PLXNA4: variants seen among roughly 807,000 people sequenced by gnomAD.
PLXNA4 encodes the protein plexin-A4.
Under a neutral mutation model 191.8 loss-of-function variants are expected in PLXNA4, and 44 were observed. The observed-to-expected ratio is 0.23, with a 90% confidence interval of 0.18 to 0.29. PLXNA4 has a LOEUF of 0.29. Among genes scored for constraint, PLXNA4 ranks in the 10% least tolerant of loss-of-function variants. The pLI is 1.00. For missense variants in PLXNA4, 1,800 were observed against 2,488.8 expected, an observed-to-expected ratio of 0.72 and a Z score of 5.89; for synonymous variants, 1,082 against 1,009.5, an observed-to-expected ratio of 1.07 and a Z score of -1.36.
At chr7:132,133,944 G>A (rs1267723918) in intron 30 of PLXNA4, among the ~76,000 whole-genome samples, 1 of 152,142 alleles carries the variant, frequency 6.6e-6, no homozygotes, top group Non-Finnish European at 1.5e-5. Flanking sequence ...TAACTGCAAT[G>A]ACAGGAGGGC....
chr7:132,533,383 C>T (rs1478474950), intron 1 of PLXNA4, among the ~76,000 whole-genome samples: 1 of 152,050 alleles, frequency 6.6e-6, no homozygotes, highest in Non-Finnish European at 1.5e-5. Flanking sequence ...AGGTGCAAGG[C>T]CCCCAACATG....
intron 11 of PLXNA4, 50 bp from the exon 12 acceptor site, chr7:132,202,886 G>T: frequency 6.9e-7 from 1 of 1,457,198 alleles, no homozygotes; most frequent in South Asian, 1.4e-5. Flanking sequence ...TGGCAGTGGG[G>T]ACAGAAGGGG....
intron 2 of PLXNA4, among the ~76,000 whole-genome samples, chr7:132,595,803 T>C (rs1331904500): frequency 6.6e-6 from 1 of 152,202 alleles, no homozygotes; most frequent in Non-Finnish European, 1.5e-5. Flanking sequence ...GAACACTAGG[T>C]GCCCTCCACC....
In PLXNA4 at chr7:132,202,646, C is replaced by G; in HGVS notation, c.2586G>C (p.Glu862Asp). ...AGCAGGAGGCCCGACCCCGGCTTAC[C>G]TCTGTGATGCGGGGGTTTGTGCACT... ...KSKCTNPRIT[E>D]IIPVTGPREG... The change falls in exon 12 of 32, where the codon GAG (glutamate) becomes GAC (aspartate). Residue 862 changes from glutamate (E) to aspartate (D), a missense_variant and splice_region_variant. Glu to Asp is a conservative substitution (Grantham distance 45). This residue lies in a region of PLXNA4 where 1,397 missense variants were observed against 1,880.4 expected (regional missense o/e 0.74). Transcript: ENST00000321063. 6.7e-7 allele frequency: 1 copy of G among 1,498,704 alleles called. No homozygotes were observed. Among genetic ancestry groups the G allele is most frequent in the Non-Finnish European group, 8.9e-7 (1 of 1,118,124 alleles). 92.8% of individuals were successfully genotyped at this position (1,498,704 alleles called of 1,614,324 possible). A position where few individuals can be genotyped will look rare whatever the true frequency, so the allele number is the denominator to read the frequency against.
chr7:132,519,729 T>C (rs902220889), intron 1 of PLXNA4, among the ~76,000 whole-genome samples: 3 of 152,342 alleles, frequency 2.0e-5, no homozygotes, highest in Admixed American at 1.3e-4. Context: ...TGGGATGTTT[T>C]TGGCTCACAG....
At chr7:132,184,595 T>C (rs1447185052) in intron 16 of PLXNA4, among the ~76,000 whole-genome samples, 2 of 152,174 alleles carry the variant, frequency 1.3e-5, no homozygotes, top group Admixed American at 6.5e-5. Flanking sequence ...AATCACTGAA[T>C]AGGCAGAGGC....
chr7:132,225,616 G>GC (rs35219127), intron 8 of PLXNA4, among the ~76,000 whole-genome samples: 79,357 of 149,726 alleles, frequency 0.53, 21,127 homozygotes, highest in South Asian at 0.73. Flanking sequence ...GCCAGAGTCC[G>GC]CCCCCCCCCA....
intron 9 of PLXNA4, among the ~76,000 whole-genome samples, chr7:132,223,108 C>G (rs943827486): frequency 6.6e-6 from 1 of 152,238 alleles, no homozygotes; most frequent in Non-Finnish European, 1.5e-5. Context: ...CTCCCTTTTA[C>G]TCAGCTTGCC....
intron 6 of PLXNA4, 147 bp from the exon 7 acceptor site, chr7:132,227,751 T>A: frequency 2.5e-5 from 25 of 1,010,550 alleles, no homozygotes; most frequent in Non-Finnish European, 3.5e-5. Context: ...GAGAAGAGAC[T>A]CAGGTTATTA....
At chr7:132,627,302 G>T (rs375724841) in intron 2 of PLXNA4, among the ~76,000 whole-genome samples, 2 of 152,074 alleles carry the variant, frequency 1.3e-5, no homozygotes, top group African/African-American at 4.8e-5. Flanking sequence ...AAAGATGAAG[G>T]TTTAGATCTT....
At chr7:132,357,761 T>C (rs1184084122) in intron 3 of PLXNA4, among the ~76,000 whole-genome samples, 1 of 152,232 alleles carries the variant, frequency 6.6e-6, no homozygotes, top group African/African-American at 2.4e-5. Context: ...TCCCTGAAGA[T>C]AGCAGACTCT....
At chr7:132,449,713 C>A (rs1021111382) in intron 3 of PLXNA4, among the ~76,000 whole-genome samples, 2 of 152,244 alleles carry the variant, frequency 1.3e-5, no homozygotes, top group African/African-American at 4.8e-5. Context: ...AGGCAAAGCA[C>A]CTTCAGTGCC....
intron 1 of PLXNA4, among the ~76,000 whole-genome samples, chr7:132,529,607 C>CTTTT (rs35449894): frequency 2.4e-4 from 32 of 136,154 alleles, no homozygotes; most frequent in African/African-American, 7.5e-4. Context: ...AATAGGTATT[C>CTTTT]TTTTTTTTTT....
intron 15 of PLXNA4, 117 bp downstream of exon 15, chr7:132,187,354 C>A (rs1365060687): frequency 2.7e-6 from 4 of 1,469,690 alleles, no homozygotes; most frequent in South Asian, 2.8e-5. Flanking sequence ...GCAAGAAGAA[C>A]CTGTCAGGTG....
intron 3 of PLXNA4, among the ~76,000 whole-genome samples, chr7:132,301,995 G>C (rs1158066228): frequency 6.6e-6 from 1 of 152,206 alleles, no homozygotes; most frequent in Middle Eastern, 3.2e-3. Context: ...CAGGTCTCCT[G>C]ATTCCTAGCT....
At chr7:132,609,979 T>C (rs1803015274) in intron 2 of PLXNA4, among the ~76,000 whole-genome samples, 5 of 152,230 alleles carry the variant, frequency 3.3e-5, no homozygotes. Context: ...GCAAATTATC[T>C]GGCTTCAGTT....
intron 2 of PLXNA4, among the ~76,000 whole-genome samples, chr7:132,627,289 A>G (rs1308583212): frequency 6.6e-6 from 1 of 152,166 alleles, no homozygotes; most frequent in Admixed American, 6.5e-5. Flanking sequence ...ACTTCCTATT[A>G]TGAAAGATGA....
intron 3 of PLXNA4, among the ~76,000 whole-genome samples, chr7:132,441,462 T>C (rs1795696328): frequency 6.6e-6 from 1 of 152,202 alleles, no homozygotes; most frequent in South Asian, 2.1e-4. Context: ...CTGCATTGAA[T>C]TGAGAATAAC....
intron 1 of PLXNA4, among the ~76,000 whole-genome samples, chr7:132,646,679 C>A (rs986449811): frequency 6.6e-6 from 1 of 152,092 alleles, no homozygotes; most frequent in African/African-American, 2.4e-5. Context: ...GAAATCAATG[C>A]CTGTTGTTTA....
Sources: gnomAD v4.1 joint callset for allele counts (sites outside exome capture counted in the v4.1 genomes callset) on GRCh38, gnomAD v4.1.1 for gene constraint, gnomAD v4.1.1 regional missense constraint, MANE v1.5 for transcripts, NCBI Gene and HGNC (gene_info 2026-07-23, HGNC 2026-07-21) for gene names.